Variants in PTPRT observed in about 807,000 individuals in gnomAD.
PTPRT encodes the protein protein tyrosine phosphatase receptor type T.
PTPRT carries 56 observed loss-of-function variants against 176.8 expected under a neutral mutation model. The ratio of observed to expected loss-of-function variants is 0.32; its 90% confidence interval spans 0.26 to 0.40. PTPRT has a LOEUF of 0.40. Ranked by LOEUF, PTPRT falls within the 10% of genes least tolerant of loss-of-function variation. The pLI, the probability that PTPRT is intolerant of heterozygous loss-of-function variation, is 1.00. For missense variants in PTPRT, 1,540 were observed against 1,908.2 expected (o/e 0.81, Z 3.60); for synonymous variants, 783 against 739.0 (o/e 1.06, Z -0.96).
chr20:42,921,133 G>A (rs1034623176), intron 1 of PTPRT, among the ~76,000 whole-genome samples: 1 of 152,160 alleles, frequency 6.6e-6, no homozygotes, highest in African/African-American at 2.4e-5. Flanking sequence ...AGCATGGTAG[G>A]GGGATGACAA....
chr20:42,932,267 G>T (rs1046449659), intron 1 of PTPRT, among the ~76,000 whole-genome samples: 1 of 152,242 alleles, frequency 6.6e-6, no homozygotes, highest in Non-Finnish European at 1.5e-5. Context: ...GAGGATCCTG[G>T]ACTCAAGGAA....
chr20:42,345,618 G>GTGTGTGTGTA (rs1491310287), intron 11 of PTPRT, among the ~76,000 whole-genome samples: 1 of 105,646 alleles, frequency 9.5e-6, no homozygotes, highest in African/African-American at 3.6e-5. Context: ...GTGTGTGTGT[G>GTGTGTGTGTA]TATATATATG....
rs753588236 is a variant in PTPRT at position 42,106,897 on chromosome 20, G to A, written c.3279C>T (p.Cys1093=). The part of the protein sequence containing the change: ...HCSAGAGRTG[C]FIAIDTMLDM... Reference sequence around the variant, plus strand: ...CAAGCATGGTGTCAATGGCAATGAAGCAGCCAGTCCGCCCAGCCCCAGCAC... The same window carrying A: ...CAAGCATGGTGTCAATGGCAATGAAACAGCCAGTCCGCCCAGCCCCAGCAC... Residue 1093 remains cysteine (C), a synonymous_variant, in exon 24 of 31, where the codon TGC becomes TGT. Coordinates refer to ENST00000373187, the MANE Select transcript of PTPRT (RefSeq NM_007050.6). The A allele has an allele frequency of 1.2e-6, 2 of 1,613,832 alleles. No individual in the cohort carries two copies. The highest frequency in any genetic ancestry group is 2.7e-5 in the African/African-American group (2 of 74,918).
chr20:42,887,805 G>A (rs535407551), intron 1 of PTPRT, among the ~76,000 whole-genome samples: 7 of 152,304 alleles, frequency 4.6e-5, no homozygotes, highest in East Asian at 3.9e-4. Context: ...CCAAATGTGC[G>A]TGTTCCCCTT....
At chr20:42,867,165 G>T (rs1355883448) in intron 2 of PTPRT, among the ~76,000 whole-genome samples, 1 of 152,136 alleles carries the variant, frequency 6.6e-6, no homozygotes, top group Non-Finnish European at 1.5e-5. Context: ...ATCCATTGTT[G>T]TACAAGGTGC....
intron 7 of PTPRT, among the ~76,000 whole-genome samples, chr20:42,665,255 A>C (rs1175519704): frequency 6.6e-6 from 1 of 152,210 alleles, no homozygotes; most frequent in Non-Finnish European, 1.5e-5. Context: ...ATTTACAAGA[A>C]AAAAACAACC....
intron 15 of PTPRT, among the ~76,000 whole-genome samples, chr20:42,221,397 A>T (rs2055882965): frequency 6.6e-6 from 1 of 152,218 alleles, no homozygotes; most frequent in Non-Finnish European, 1.5e-5. Flanking sequence ...TAAACAAAAG[A>T]GGTTTAATTG....
rs566516672 is a variant in PTPRT, at chr20:42,887,188, C to A, written c.89-1256G>T. Among the ~76,000 whole-genome samples, 5 of 152,228 alleles carry A rather than the reference C, an allele frequency of 3.3e-5. No individual in the cohort carries two copies. In the East Asian group the frequency reaches 9.6e-4, roughly 29 times the overall value. ...GCAAAATTCATGCTGAAGTTTCAAA[C>A]CCCAAAGTGATAGTATTAGGACACA... On this transcript the variant is annotated intron_variant, in intron 1 of 30. Coordinates refer to ENST00000373187, the MANE Select transcript of PTPRT (RefSeq NM_007050.6).
At chr20:42,083,211 T>C (rs923636525) in intron 29 of PTPRT, among the ~76,000 whole-genome samples, 1 of 150,996 alleles carries the variant, frequency 6.6e-6, no homozygotes, top group African/African-American at 2.4e-5. Context: ...CTATCATTTC[T>C]GAAGCAAGAA....
intron 9 of PTPRT, among the ~76,000 whole-genome samples, chr20:42,404,249 T>C (rs1427211866): frequency 6.6e-6 from 1 of 152,154 alleles, no homozygotes; most frequent in African/African-American, 2.4e-5. Flanking sequence ...TGAGATCCTG[T>C]GTGGAATCCA....
intron 2 of PTPRT, among the ~76,000 whole-genome samples, chr20:42,864,281 G>A (rs1390353357): frequency 6.6e-6 from 1 of 152,214 alleles, no homozygotes; most frequent in Non-Finnish European, 1.5e-5. Flanking sequence ...AGTAGGCGAT[G>A]ATGAACATTA....
intron 1 of PTPRT, among the ~76,000 whole-genome samples, chr20:42,909,714 T>C (rs760892976): frequency 6.6e-6 from 1 of 152,200 alleles, no homozygotes; most frequent in Non-Finnish European, 1.5e-5. Context: ...CCTGTAAAGC[T>C]GTGTGTCTCA....
Position 42,935,147 on chromosome 20 carries a change from ATTTTTTTTTTTTT to A in PTPRT, c.89-49228_89-49216del, listed in dbSNP as rs57178522. Among the ~76,000 whole-genome samples the A allele has an allele frequency of 9.7e-3, 411 of 42,226 alleles. 7 individuals are homozygous for A. The highest frequency in any genetic ancestry group is 0.052 in the Middle Eastern group (3 of 58). 27.7% of individuals were successfully genotyped at this position (42,226 alleles called of 152,430 possible). ...AGGGCGTCTCATTGCTTTTGCCATA[ATTTTTTTTTTTTT>A]TTTTTTTTTTTTTTTTTTGCCCAAG... On this transcript the variant is annotated intron_variant, in intron 1 of 30. Transcript: ENST00000373187.
intron 9 of PTPRT, among the ~76,000 whole-genome samples, chr20:42,399,812 C>G (rs964043783): frequency 6.6e-6 from 1 of 152,190 alleles, no homozygotes; most frequent in Non-Finnish European, 1.5e-5. Flanking sequence ...GGGTTAAATA[C>G]AATTCTCTAG....
intron 1 of PTPRT, among the ~76,000 whole-genome samples, chr20:42,963,472 A>G (rs1331510125): frequency 6.6e-6 from 1 of 151,762 alleles, no homozygotes; most frequent in African/African-American, 2.4e-5. Context: ...TTTAAAAAAT[A>G]AAAAATGAGT....
chr20:43,146,132 GA>G (rs2014159991), intron 1 of PTPRT, among the ~76,000 whole-genome samples: 1 of 152,026 alleles, frequency 6.6e-6, no homozygotes, highest in South Asian at 2.1e-4. Context: ...CTTCTTCTTG[GA>G]CTTTTTTTCT....
intron 7 of PTPRT, among the ~76,000 whole-genome samples, chr20:42,560,780 C>T (rs1487812562): frequency 6.6e-6 from 1 of 152,182 alleles, no homozygotes; most frequent in African/African-American, 2.4e-5. Context: ...CCGCATAAAG[C>T]ACACCCCACC....
intron 6 of PTPRT, among the ~76,000 whole-genome samples, chr20:42,694,232 G>A (rs751406670): frequency 6.6e-6 from 1 of 151,828 alleles, no homozygotes; most frequent in Non-Finnish European, 1.5e-5. Context: ...TAGAGACGGG[G>A]TTTCACTGTG....
intron 6 of PTPRT, among the ~76,000 whole-genome samples, chr20:42,720,823 G>C (rs149338507): frequency 6.6e-6 from 1 of 152,102 alleles, no homozygotes; most frequent in Non-Finnish European, 1.5e-5. Context: ...ATAATGTGTC[G>C]CAGGCATTTT....
Sources: gnomAD v4.1 joint callset for allele counts (sites outside exome capture counted in the v4.1 genomes callset) on GRCh38, gnomAD v4.1.1 for gene constraint, MANE v1.5 for transcripts, NCBI Gene and HGNC (gene_info 2026-07-23, HGNC 2026-07-21) for gene names.